Variants in CSMD1 observed in about 807,000 individuals in gnomAD.
CSMD1 encodes CUB and Sushi multiple domains 1.
A neutral mutation model predicts 417.5 loss-of-function variants in CSMD1; 213 were observed. That is an observed-to-expected ratio of 0.51 (90% confidence interval 0.46 to 0.57). The LOEUF (loss-of-function observed/expected upper bound fraction) is 0.57, where lower values mean the gene tolerates loss of function less well. Ranked by LOEUF, CSMD1 falls within the 20% of genes least tolerant of loss-of-function variation. CSMD1 has a pLI of 0.00. For synonymous variants in CSMD1, 2,862 were observed against 1,736.8 expected (o/e 1.65, Z -16.11); for missense variants, 6,923 against 4,529.7 (o/e 1.53, Z -15.17).
At chr8:3,721,697 A>G (rs937410827) in intron 6 of CSMD1, among the ~76,000 whole-genome samples, 2 of 152,146 alleles carry the variant, frequency 1.3e-5, no homozygotes, top group African/African-American at 4.8e-5. Flanking sequence ...ATTTCATTAA[A>G]TAACATGTTA....
chr8:4,951,236 G>C (rs1005640242), intron 1 of CSMD1, among the ~76,000 whole-genome samples: 3 of 152,058 alleles, frequency 2.0e-5, no homozygotes, highest in South Asian at 2.1e-4. Context: ...CAAAGAAACT[G>C]TCTCTTTCCT....
At chr8:4,768,450 T>G (rs1357314407) in intron 1 of CSMD1, among the ~76,000 whole-genome samples, 1 of 152,222 alleles carries the variant, frequency 6.6e-6, no homozygotes, top group Non-Finnish European at 1.5e-5. Context: ...GAAACAAAAA[T>G]GCATTATTTG....
intron 26 of CSMD1, chr8:3,278,773 T>C (rs1350629150): frequency 6.6e-6 from 1 of 152,060 alleles, no homozygotes; most frequent in Non-Finnish European, 1.5e-5. Flanking sequence ...ACAGGCTGTT[T>C]TGCACTTTGT....
intron 3 of CSMD1, among the ~76,000 whole-genome samples, chr8:4,095,579 T>G (rs971050759): frequency 6.6e-6 from 1 of 152,030 alleles, no homozygotes; most frequent in African/African-American, 2.4e-5. Flanking sequence ...TTTGGGAGAG[T>G]CAAAGAAAAC....
At chr8:4,331,265 C>T (rs1468757640) in intron 3 of CSMD1, among the ~76,000 whole-genome samples, 2 of 152,098 alleles carry the variant, frequency 1.3e-5, no homozygotes, top group Non-Finnish European at 2.9e-5. Flanking sequence ...AGCCAGGGAA[C>T]TCGGTGACAC....
intron 2 of CSMD1, among the ~76,000 whole-genome samples, chr8:4,617,834 A>C (rs947598997): frequency 6.6e-5 from 10 of 152,124 alleles, no homozygotes; most frequent in Non-Finnish European, 8.8e-5. Context: ...GAGTATATTC[A>C]TTGGAAGAGA....
At position 3,944,356 on chromosome 8, in the gene CSMD1, C is replaced by G. The variant is rs562716730; in HGVS notation, c.818+53547G>C. Among the ~76,000 whole-genome samples, 83 of 152,090 alleles carry G rather than the reference C, an allele frequency of 5.5e-4. 1 individual carries two copies. Among genetic ancestry groups the G allele is most frequent in the African/African-American group, 2.0e-3 (81 of 41,500 alleles). On this transcript the variant is annotated intron_variant, in intron 5 of 69. Transcript: ENST00000635120. ...ATTTTTTAAAGAATAATTTTTGTACCAAAATAAGATGTGTTCCTCTCTACG... is the reference window on the plus strand; with the variant it reads ...ATTTTTTAAAGAATAATTTTTGTACGAAAATAAGATGTGTTCCTCTCTACG...
chr8:3,095,824 G>A (rs1487118907), intron 47 of CSMD1, among the ~76,000 whole-genome samples: 1 of 152,044 alleles, frequency 6.6e-6, no homozygotes, highest in Admixed American at 6.5e-5. Flanking sequence ...TCAAATTGAC[G>A]ATTCAACCAC....
chr8:3,118,433 G>A lies in CSMD1; in HGVS notation c.6396C>T (p.Asn2132=). The change falls in exon 42 of 70, where the codon AAC becomes AAT. Residue 2132 remains asparagine, a synonymous_variant. Coordinates refer to ENST00000635120, the MANE Select transcript of CSMD1 (RefSeq NM_033225.6). ...HPVLTCQHGI[N]RNWNYPFPRC... is the part of the protein sequence containing the mutation. ...TTGGAAAAGGGTAGTTCCAGTTTCT[G>A]TTGATCCCATGCTGACAAGTGAGGA... 6.2e-7 allele frequency: 1 copy of A among 1,613,662 alleles called. No homozygotes were observed. Among genetic ancestry groups the A allele is most frequent in the Non-Finnish European group, 8.5e-7 (1 of 1,179,760 alleles).
intron 23 of CSMD1, among the ~76,000 whole-genome samples, chr8:3,332,247 T>C (rs966638417): frequency 6.6e-6 from 1 of 152,362 alleles, no homozygotes. Context: ...TCTCTAAGAT[T>C]AAACATTGAT....
At chr8:4,391,132 C>T (rs1365665754) in intron 3 of CSMD1, among the ~76,000 whole-genome samples, 4 of 152,108 alleles carry the variant, frequency 2.6e-5, no homozygotes, top group Non-Finnish European at 1.5e-5. Context: ...TCTCTAGGGA[C>T]CCAGATAATG....
At chr8:4,767,670 G>A (rs953368103) in intron 1 of CSMD1, among the ~76,000 whole-genome samples, 1 of 152,082 alleles carries the variant, frequency 6.6e-6, no homozygotes, top group Admixed American at 6.5e-5. Context: ...GCTACCCACA[G>A]TCACCTTTTT....
chr8:3,542,824 A>G (rs1798496647), intron 10 of CSMD1, among the ~76,000 whole-genome samples: 1 of 152,214 alleles, frequency 6.6e-6, no homozygotes, highest in Non-Finnish European at 1.5e-5. Context: ...AGCAAGATCC[A>G]TAACCCTGGG....
intron 26 of CSMD1, among the ~76,000 whole-genome samples, chr8:3,269,359 C>T (rs12549488): frequency 0.066 from 10,097 of 152,300 alleles, 452 homozygotes; most frequent in Non-Finnish European, 0.09. Context: ...TGCTGCCCTT[C>T]ATAGGCAGAG....
chr8:4,460,809 G>A (rs955627167), intron 2 of CSMD1, among the ~76,000 whole-genome samples: 38 of 152,078 alleles, frequency 2.5e-4, no homozygotes, highest in Admixed American at 2.3e-3. Context: ...AAAATTCCAG[G>A]CTCAAATGGC....
chr8:4,349,640 A>C (rs1800972427), intron 3 of CSMD1, among the ~76,000 whole-genome samples: 1 of 152,134 alleles, frequency 6.6e-6, no homozygotes, highest in South Asian at 2.1e-4. Flanking sequence ...ACAATTGCAT[A>C]CCTTCATAAT....
intron 7 of CSMD1, among the ~76,000 whole-genome samples, chr8:3,677,899 C>T (rs192864130): frequency 2.0e-5 from 3 of 152,080 alleles, no homozygotes; most frequent in African/African-American, 4.8e-5. Flanking sequence ...CATGAAACAC[C>T]TCCCACTAAT....
In CSMD1 at chr8:2,974,532, C is replaced by T. The variant is rs528317138; in HGVS notation, c.8659G>A (p.Gly2887Arg). 1 of 1,613,618 alleles carries T rather than the reference C, an allele frequency of 6.2e-7. No individual in the cohort carries two copies. The highest frequency in any genetic ancestry group is 1.7e-5 in the Admixed American group (1 of 60,000). The change falls in exon 56 of 70, where the codon GGG becomes AGG. Residue 2887 changes from glycine to arginine, a missense_variant. Transcript: ENST00000635120. ...TCGTTGCCTATGAGGCTCTCGCTCCCTCTGCAGGAGTAGTGCACGACGGCG... is the reference window on the plus strand; with the variant it reads ...TCGTTGCCTATGAGGCTCTCGCTCCTTCTGCAGGAGTAGTGCACGACGGCG... ...YGAVVHYSCR[G>R]SESLIGNDTR...
chr8:4,914,520 G>A (rs1162450665), intron 1 of CSMD1, among the ~76,000 whole-genome samples: 2 of 150,668 alleles, frequency 1.3e-5, no homozygotes, highest in Non-Finnish European at 2.9e-5. Flanking sequence ...GGAGTTTGCA[G>A]TGAGCTGAGA....
Sources: gnomAD v4.1 joint callset for allele counts (sites outside exome capture counted in the v4.1 genomes callset) on GRCh38, gnomAD v4.1.1 for gene constraint, MANE v1.5 for transcripts, NCBI Gene and HGNC (gene_info 2026-07-23, HGNC 2026-07-21) for gene names.